ROR2: variants seen among roughly 807,000 people sequenced by gnomAD.
The protein encoded by ROR2 is ROR family WNT receptor 2.
ROR2 carries 33 observed loss-of-function variants against 74.9 expected under a neutral mutation model. The ratio of observed to expected loss-of-function variants is 0.44; its 90% CI spans 0.33 to 0.59. The LOEUF is 0.59. Among genes scored for constraint, ROR2 ranks in the 20% least tolerant of loss-of-function variants. ROR2 has a pLI of 0.02. For missense variants in ROR2, 1,216 were observed against 1,313.8 expected, an observed-to-expected ratio of 0.93 and a Z score of 1.15; for synonymous variants, 586 against 558.7, an observed-to-expected ratio of 1.05 and a Z score of -0.69.
intron 1 of ROR2, among the ~76,000 whole-genome samples, chr9:91,857,981 C>T (rs1829349988): frequency 6.6e-6 from 1 of 152,202 alleles, no homozygotes; most frequent in Non-Finnish European, 1.5e-5. Flanking sequence ...ACGACGACCA[C>T]AGGTCCTCCG....
At chr9:91,836,249 T>C (rs1828606906) in intron 1 of ROR2, among the ~76,000 whole-genome samples, 1 of 152,070 alleles carries the variant, frequency 6.6e-6, no homozygotes. Context: ...CAATTATTAA[T>C]CCAGTCTGGA....
At chr9:91,817,798 G>C (rs1409928863) in intron 1 of ROR2, among the ~76,000 whole-genome samples, 1 of 151,944 alleles carries the variant, frequency 6.6e-6, no homozygotes, top group South Asian at 2.1e-4. Flanking sequence ...GGGAGTAAAA[G>C]CAAAAAGAAA....
chr9:91,882,555 A>T (rs932948444), intron 1 of ROR2, among the ~76,000 whole-genome samples: 2 of 152,214 alleles, frequency 1.3e-5, no homozygotes, highest in African/African-American at 4.8e-5. Context: ...CAAAAGGTCA[A>T]AAACAGGCAA....
chr9:91,875,599 A>C (rs1361770281), intron 1 of ROR2, among the ~76,000 whole-genome samples: 1 of 152,238 alleles, frequency 6.6e-6, no homozygotes, highest in Non-Finnish European at 1.5e-5. Context: ...GAACATGAGA[A>C]AGGTCACAAG....
At chr9:91,771,959 G>A (rs1406843160) in intron 2 of ROR2, among the ~76,000 whole-genome samples, 1 of 152,212 alleles carries the variant, frequency 6.6e-6, no homozygotes, top group East Asian at 1.9e-4. Context: ...AGCTAATATA[G>A]TACATTCAGC....
chr9:91,840,284 CT>C (rs886431228), intron 1 of ROR2, among the ~76,000 whole-genome samples: 26 of 152,308 alleles, frequency 1.7e-4, no homozygotes, highest in African/African-American at 6.3e-4. Context: ...ACCCGTTTCT[CT>C]TTCTCTTTCT....
At chr9:91,782,339 G>T (rs948052924) in intron 1 of ROR2, among the ~76,000 whole-genome samples, 9 of 151,982 alleles carry the variant, frequency 5.9e-5, no homozygotes, top group Non-Finnish European at 1.3e-4. Flanking sequence ...GCATACAAAA[G>T]GTTACTTTGT....
At chr9:91,921,934 A>T (rs1736004855) in intron 1 of ROR2, among the ~76,000 whole-genome samples, 1 of 141,032 alleles carries the variant, frequency 7.1e-6, no homozygotes, top group South Asian at 2.3e-4. Context: ...TGGGCAAAGG[A>T]TCTGAATAGA....
At chr9:91,856,380 C>G (rs1302475962) in intron 1 of ROR2, among the ~76,000 whole-genome samples, 3 of 152,218 alleles carry the variant, frequency 2.0e-5, no homozygotes, top group African/African-American at 7.2e-5. Flanking sequence ...AGTTAAATTG[C>G]ATGTCTGGGC....
intron 1 of ROR2, among the ~76,000 whole-genome samples, chr9:91,870,662 A>G (rs943601971): frequency 6.6e-6 from 1 of 152,240 alleles, no homozygotes; most frequent in Non-Finnish European, 1.5e-5. Flanking sequence ...ACATCAAATA[A>G]AGTACTAAAT....
At chr9:91,840,253 A>G (rs550325923) in intron 1 of ROR2, among the ~76,000 whole-genome samples, 3 of 152,310 alleles carry the variant, frequency 2.0e-5, no homozygotes, top group Non-Finnish European at 1.5e-5. Context: ...TTAAAATGCC[A>G]CAACGGCCCG....
chr9:91,922,350 A>G (rs1831292101), intron 1 of ROR2, among the ~76,000 whole-genome samples: 1 of 152,226 alleles, frequency 6.6e-6, no homozygotes. Context: ...TTGGAAATCA[A>G]CAGCGTCTTC....
chr9:91,943,679 C>T (rs1054061730), intron 1 of ROR2, among the ~76,000 whole-genome samples: 4 of 152,156 alleles, frequency 2.6e-5, no homozygotes, highest in Non-Finnish European at 4.4e-5. Flanking sequence ...GAGGATACAC[C>T]GTCAAAGCAC....
chr9:91,894,422 G>C (rs1173067936), intron 1 of ROR2, among the ~76,000 whole-genome samples: 1 of 152,176 alleles, frequency 6.6e-6, no homozygotes, highest in Non-Finnish European at 1.5e-5. Flanking sequence ...AAGGGGAAGG[G>C]AGCATATAAA....
intron 1 of ROR2, among the ~76,000 whole-genome samples, chr9:91,789,822 T>C (rs1454669404): frequency 6.6e-6 from 1 of 152,164 alleles, no homozygotes; most frequent in African/African-American, 2.4e-5. Flanking sequence ...AAGTAAAGCG[T>C]ACCATATTGG....
intron 1 of ROR2, among the ~76,000 whole-genome samples, chr9:91,885,526 C>T (rs1830245310): frequency 6.6e-6 from 1 of 152,222 alleles, no homozygotes; most frequent in African/African-American, 2.4e-5. Context: ...GGGCCTGCAC[C>T]AGGGTGGCTA....
chr9:91,864,508 C>T (rs943336227), intron 1 of ROR2, among the ~76,000 whole-genome samples: 3 of 152,204 alleles, frequency 2.0e-5, no homozygotes, highest in African/African-American at 7.2e-5. Context: ...GACTTAAACA[C>T]ATTAGGATTT....
chr9:91,845,039 G>C (rs1587775240), intron 1 of ROR2, among the ~76,000 whole-genome samples: 2 of 152,302 alleles, frequency 1.3e-5, no homozygotes, highest in East Asian at 3.9e-4. Flanking sequence ...CAATCCAGCA[G>C]AGAAAGTTAC....
chr9:91,854,897 T>C (rs1829227594), intron 1 of ROR2, among the ~76,000 whole-genome samples: 1 of 152,226 alleles, frequency 6.6e-6, no homozygotes, highest in South Asian at 2.1e-4. Flanking sequence ...GCAAAGCCTT[T>C]TATTTTAAAA....
Sources: allele counts gnomAD v4.1 joint callset (sites outside exome capture counted in the v4.1 genomes callset), GRCh38; gene constraint gnomAD v4.1.1; transcripts MANE v1.5; gene names NCBI Gene and HGNC (gene_info 2026-07-23, HGNC 2026-07-21).